ACTA2: variants seen among roughly 807,000 people sequenced by gnomAD.
ACTA2 encodes the protein actin, aortic smooth muscle.
A neutral mutation model predicts 39.5 loss-of-function variants in ACTA2; 12 were observed. That is an observed-to-expected ratio of 0.30 (90% confidence interval 0.19 to 0.49). ACTA2 has a LOEUF of 0.49. ACTA2 is among the 20% of genes least tolerant of loss of function. The pLI, the probability that ACTA2 is intolerant of heterozygous loss-of-function variation, is 0.99. For synonymous variants in ACTA2, 158 were observed against 180.6 expected, an observed-to-expected ratio of 0.88 and a Z score of 1.00; for missense variants, 236 against 498.8, an observed-to-expected ratio of 0.47 and a Z score of 5.02.
In ACTA2 at chr10:88,990,697, G is replaced by A; in HGVS notation, c.-24+242C>T. On this transcript the variant is annotated intron_variant, in intron 1 of 4. Transcript: ENST00000415557. This position sits in a 1 kb window ranked among gnomAD's most constrained non-coding sequence, Gnocchi z 4.9. Reference sequence around the variant, plus strand: ...AGGTGTTCAAAGACGCTTCTGGGGAGTGAGGGAAGCGGTTTACGAGTGACT... The same window carrying A: ...AGGTGTTCAAAGACGCTTCTGGGGAATGAGGGAAGCGGTTTACGAGTGACT... 1.4e-6 allele frequency: 1 copy of A among 731,108 alleles called. No homozygotes were observed. The highest frequency in any genetic ancestry group is 2.4e-6 in the Non-Finnish European group (1 of 409,302). 45.3% of individuals were successfully genotyped at this position (731,108 alleles called of 1,614,324 possible). A position where few individuals can be genotyped will look rare whatever the true frequency, so the allele number is the denominator to read the frequency against.
chr10:88,941,843 TG>T lies in ACTA2; in HGVS notation c.395del (p.Pro132GlnfsTer61). On this transcript the variant is annotated frameshift_variant, in exon 5 of 9. Coordinates refer to ENST00000224784, the MANE Select transcript of ACTA2 (RefSeq NM_001613.4). LOFTEE classifies it high-confidence loss of function. ...TQIMFETFNV[P>X]AMYVAIQAVL... is the part of the protein sequence containing the mutation. ...CCGCCTGGATAGCCACATACATGGCTGGGACATTGAAAGTCTCAAACATAAT... is the reference window on the plus strand; with the variant it reads ...CCGCCTGGATAGCCACATACATGGCTGGACATTGAAAGTCTCAAACATAAT... The T allele has an allele frequency of 6.2e-7, 1 of 1,613,094 alleles. No homozygotes were observed. Among genetic ancestry groups the T allele is most frequent in the Admixed American group, 1.7e-5 (1 of 59,930 alleles).
In ACTA2 at chr10:88,935,928, C is replaced by T. The variant is rs577341087; in HGVS notation, c.991-562G>A. ...TCTTAAGCTGCACTGGTTGGCCTTTCCCAGTGCACAGGCCTAACCTGCAAG... is the reference window on the plus strand; with the variant it reads ...TCTTAAGCTGCACTGGTTGGCCTTTTCCAGTGCACAGGCCTAACCTGCAAG... On this transcript the variant is annotated intron_variant, in intron 8 of 8. Coordinates refer to ENST00000224784, the MANE Select transcript of ACTA2 (RefSeq NM_001613.4). Among the ~76,000 whole-genome samples, 7 of 152,238 alleles carry T rather than the reference C, an allele frequency of 4.6e-5. 1 individual carries two copies. In the South Asian group the frequency reaches 1.0e-3, roughly 23 times the overall value.
At chr10:88,951,499 C>CAA (rs59375821) in intron 1 of ACTA2, among the ~76,000 whole-genome samples, 14,285 of 142,476 alleles carry the variant, frequency 0.1, 861 homozygotes, top group Non-Finnish European at 0.15. Context: ...TTTACTTGGC[C>CAA]AAAAAAAAAA....
chr10:88,991,280 C>A (rs1264704869), exon 1 of ACTA2: 4 of 425,164 alleles, frequency 9.4e-6, no homozygotes, highest in African/African-American at 6.1e-5. Flanking sequence ...TGGAGGGGGA[C>A]CCCGGTTGGA....
intron 1 of ACTA2, among the ~76,000 whole-genome samples, chr10:88,985,825 A>G (rs1463246748): frequency 6.6e-6 from 1 of 152,214 alleles, no homozygotes; most frequent in Non-Finnish European, 1.5e-5. Flanking sequence ...GCAGGGAGGA[A>G]GTCTAAAGTA....
chr10:88,969,026 C>T (rs1009491942), intron 1 of ACTA2, among the ~76,000 whole-genome samples: 2 of 151,900 alleles, frequency 1.3e-5, no homozygotes, highest in African/African-American at 2.4e-5. Context: ...GGTAGAAGAT[C>T]CTCCTAAATA....
intron 6 of ACTA2, 134 bp from the exon 7 acceptor site, chr10:88,939,832 A>G (rs886901425): frequency 6.6e-6 from 6 of 904,370 alleles, no homozygotes; most frequent in Non-Finnish European, 7.0e-6. Context: ...TCTGCAATCC[A>G]AAATCCACAA....
intron 6 of ACTA2, 148 bp downstream of exon 6, chr10:88,941,081 G>A (rs928451039): frequency 3.0e-6 from 3 of 999,570 alleles, no homozygotes; most frequent in Non-Finnish European, 4.6e-6. Flanking sequence ...ACACAGCAAA[G>A]AAAGATGTGC....
Position 88,941,382 on chromosome 10 carries a change from G to T in ACTA2, c.463C>A (p.Leu155Met). ...YASGRTTGIVLDSGDGVTHNV... is the reference protein window; with the variant it reads ...YASGRTTGIVMDSGDGVTHNV... ...TGGGTGACACCATCTCCAGAGTCCA[G>T]CACGATGCCTGGGAGACAATTGGGC... Residue 155 changes from leucine to methionine, a missense_variant, in exon 6 of 9, where the codon CTG becomes ATG. By Grantham distance (15) the Leu-to-Met change is conservative. Transcript: ENST00000224784. The T allele has an allele frequency of 6.2e-7, 1 of 1,613,972 alleles. No homozygotes were observed. The highest frequency in any genetic ancestry group is 1.1e-5 in the South Asian group (1 of 91,080).
At chr10:88,954,859 A>G (rs1050756051), upstream of ACTA2, among the ~76,000 whole-genome samples, 1 of 152,132 alleles carries the variant, frequency 6.6e-6, no homozygotes, top group African/African-American at 2.4e-5. Context: ...TTATAGTTTC[A>G]CATCCCATCC....
At chr10:88,989,951 T>A (rs930517642) in intron 1 of ACTA2, among the ~76,000 whole-genome samples, 12 of 152,308 alleles carry the variant, frequency 7.9e-5, no homozygotes, top group Admixed American at 2.0e-4. Context: ...TCCAAAGCAA[T>A]AGTGACTTTG....
intron 1 of ACTA2, chr10:88,989,562 A>G (rs772356925): frequency 1.8e-6 from 1 of 542,072 alleles, no homozygotes; most frequent in South Asian, 1.4e-5. Context: ...AAGCCTATCA[A>G]CACCTACAAG....
intron 1 of ACTA2, among the ~76,000 whole-genome samples, chr10:88,950,287 G>A (rs1177926198): frequency 2.6e-5 from 4 of 152,140 alleles, no homozygotes; most frequent in Non-Finnish European, 4.4e-5. Context: ...ATCTCAATTA[G>A]GATTTCAAAT....
At chr10:88,936,843 C>T (rs979397529) in intron 8 of ACTA2, among the ~76,000 whole-genome samples, 4 of 152,090 alleles carry the variant, frequency 2.6e-5, no homozygotes, top group Non-Finnish European at 4.4e-5. Flanking sequence ...TCATTTTTGC[C>T]AAATGTTATC....
Position 88,935,082 on chromosome 10 carries a change from A to G in ACTA2, c.*141T>C. 8.2e-7 allele frequency: 1 copy of G among 1,214,162 alleles called. No homozygotes were observed. Among genetic ancestry groups the G allele is most frequent in the Non-Finnish European group, 1.2e-6 (1 of 850,372 alleles). The allele number at this position is 1,214,162 out of a possible 1,614,324, so 75.2% of individuals were successfully genotyped here. ...GAGGCCAACGCAAGAAGTTACCAGT[A>G]GCCTATTTCAGATTTATTAAAAAAC... On this transcript the variant is annotated 3_prime_UTR_variant, in exon 9 of 9. Coordinates refer to ENST00000224784, the MANE Select transcript of ACTA2 (RefSeq NM_001613.4).
rs2133237611 is a variant in ACTA2, at chr10:88,935,218, G to A, written c.*5C>T. 6.2e-7 allele frequency: 1 copy of A among 1,612,828 alleles called. No homozygotes were observed. Among genetic ancestry groups the A allele is most frequent in the South Asian group, 1.1e-5 (1 of 91,042 alleles). ...GCTAGAGACAGAGAGGAGCAGGAAA[G>A]TGTTTTAGAAGCATTTGCGGTGGAC... is the stretch of plus-strand genomic sequence containing the variant. On this transcript the variant is annotated 3_prime_UTR_variant, in exon 9 of 9. Transcript: ENST00000224784.
chr10:88,986,345 G>C (rs908503704), intron 1 of ACTA2, among the ~76,000 whole-genome samples: 1 of 152,170 alleles, frequency 6.6e-6, no homozygotes, highest in Non-Finnish European at 1.5e-5. Context: ...TGTCAGGGGA[G>C]GGGTACTCAA....
chr10:88,980,409 G>A (rs1846682374), intron 1 of ACTA2, among the ~76,000 whole-genome samples: 2 of 152,128 alleles, frequency 1.3e-5, no homozygotes, highest in South Asian at 2.1e-4. Flanking sequence ...CAACAGCCAG[G>A]GATAAATAAG....
At chr10:88,979,406 A>G (rs1158770606) in intron 1 of ACTA2, among the ~76,000 whole-genome samples, 1 of 152,186 alleles carries the variant, frequency 6.6e-6, no homozygotes, top group Non-Finnish European at 1.5e-5. Flanking sequence ...CACAAGGAGA[A>G]GATGCCAGCA....
Sources: gnomAD v4.1 joint callset for allele counts (sites outside exome capture counted in the v4.1 genomes callset) on GRCh38, gnomAD v4.1.1 for gene constraint, Gnocchi (gnomAD v3.1) non-coding constraint, MANE v1.5 for transcripts, NCBI Gene and HGNC (gene_info 2026-07-23, HGNC 2026-07-21) for gene names.